The following GUCY1A2 variants were observed in gnomAD, a reference collection of about 807,000 sequenced individuals.
GUCY1A2 encodes guanylate cyclase soluble subunit alpha-2.
GUCY1A2 carries 27 observed loss-of-function variants against 63.5 expected under a neutral mutation model. The ratio of observed to expected loss-of-function variants is 0.43; its 90% CI spans 0.31 to 0.59. The LOEUF is 0.59. Among genes scored for constraint, GUCY1A2 ranks in the 20% least tolerant of loss-of-function variants. GUCY1A2 has a pLI of 0.11. For synonymous variants in GUCY1A2, 364 were observed against 343.5 expected (o/e 1.06, Z -0.66); for missense variants, 768 against 913.3 (o/e 0.84, Z 2.05).
intron 6 of GUCY1A2, among the ~76,000 whole-genome samples, chr11:106,771,666 C>G (rs1864258375): frequency 2.0e-5 from 3 of 151,946 alleles, no homozygotes; most frequent in Non-Finnish European, 2.9e-5. Flanking sequence ...TTGGGAGGAT[C>G]CCCTGAGCAC....
intron 6 of GUCY1A2, 87 bp from the exon 7 acceptor site, chr11:106,708,753 T>TAAA: frequency 2.7e-6 from 2 of 753,130 alleles, no homozygotes; most frequent in Non-Finnish European, 3.9e-6. Context: ...TAATTAATAA[T>TAAA]AATAATAATA....
intron 4 of GUCY1A2, among the ~76,000 whole-genome samples, chr11:106,812,419 T>C (rs1312972776): frequency 4.6e-5 from 7 of 151,730 alleles, no homozygotes; most frequent in Admixed American, 1.3e-4. Flanking sequence ...ATTTGGTGTT[T>C]GTCTCTCCTT....
intron 6 of GUCY1A2, among the ~76,000 whole-genome samples, chr11:106,758,897 G>A (rs536728438): frequency 2.4e-4 from 36 of 152,248 alleles, no homozygotes; most frequent in Middle Eastern, 3.4e-3. Context: ...AGGCAGAGAA[G>A]ATATTTGAAG....
chr11:106,812,604 A>T, intron 4 of GUCY1A2, among the ~76,000 whole-genome samples: 1 of 151,886 alleles, frequency 6.6e-6, no homozygotes, highest in East Asian at 1.9e-4. Context: ...ATGTGGAATT[A>T]GTGTATGTAT....
At chr11:106,717,056 C>G (rs1207630396) in intron 6 of GUCY1A2, among the ~76,000 whole-genome samples, 1 of 152,098 alleles carries the variant, frequency 6.6e-6, no homozygotes, top group Non-Finnish European at 1.5e-5. Flanking sequence ...AATTTTGCAG[C>G]TATATCTAGC....
intron 4 of GUCY1A2, among the ~76,000 whole-genome samples, chr11:106,855,387 C>T (rs1335308470): frequency 1.3e-5 from 2 of 152,132 alleles, no homozygotes; most frequent in African/African-American, 4.8e-5. Context: ...CACTCTATGC[C>T]TCAGAGGGTC....
At chr11:106,703,206 G>A (rs984568854) in intron 7 of GUCY1A2, among the ~76,000 whole-genome samples, 1 of 152,052 alleles carries the variant, frequency 6.6e-6, no homozygotes, top group Non-Finnish European at 1.5e-5. Context: ...GCTTGCAGAC[G>A]CCCTATTGTG....
intron 4 of GUCY1A2, among the ~76,000 whole-genome samples, chr11:106,837,966 T>C (rs771917624): frequency 2.6e-4 from 39 of 151,982 alleles, no homozygotes; most frequent in Non-Finnish European, 5.0e-4. Context: ...TCTTACTCCA[T>C]GCTTTGCATC....
At chr11:106,699,974 G>C in intron 7 of GUCY1A2, among the ~76,000 whole-genome samples, 1 of 151,674 alleles carries the variant, frequency 6.6e-6, no homozygotes, top group Non-Finnish European at 1.5e-5. Context: ...TAGTAGAGAC[G>C]GGGTTTCACC....
intron 1 of GUCY1A2, among the ~76,000 whole-genome samples, chr11:106,991,187 G>T (rs1181225559): frequency 6.6e-6 from 1 of 151,496 alleles, no homozygotes; most frequent in Non-Finnish European, 1.5e-5. Context: ...TTCTAGTAGA[G>T]ATGGGGATTT....
rs182881446 is a variant in GUCY1A2, at chr11:106,686,002, C to A, written c.*1547G>T. On this transcript the variant is annotated 3_prime_UTR_variant, in exon 8 of 8. Transcript: ENST00000526355. ...TTCCTTAACTGAGTTATGTCATAACCAAATCATAATGCAGCCAAAATCCCT... is the reference window on the plus strand; with the variant it reads ...TTCCTTAACTGAGTTATGTCATAACAAAATCATAATGCAGCCAAAATCCCT... 4.6e-6 allele frequency: 1 copy of A among 218,474 alleles called. No homozygotes were observed. Among genetic ancestry groups the A allele is most frequent in the Admixed American group, 5.8e-5 (1 of 17,216 alleles). 13.5% of individuals were successfully genotyped at this position (218,474 alleles called of 1,614,324 possible).
At chr11:106,977,446 T>G (rs17106269) in intron 3 of GUCY1A2, among the ~76,000 whole-genome samples, 2,847 of 152,294 alleles carry the variant, frequency 0.019, 84 homozygotes, top group African/African-American at 0.065. Flanking sequence ...TGCATGCTGT[T>G]ATAGACAAAC....
At chr11:106,714,842 C>G (rs1369366906) in intron 6 of GUCY1A2, among the ~76,000 whole-genome samples, 2 of 152,120 alleles carry the variant, frequency 1.3e-5, no homozygotes, top group Admixed American at 1.3e-4. Flanking sequence ...CCCCAAATAT[C>G]AACAGTGCCA....
At chr11:106,794,525 C>T (rs1179668585) in intron 5 of GUCY1A2, among the ~76,000 whole-genome samples, 1 of 151,770 alleles carries the variant, frequency 6.6e-6, no homozygotes, top group Non-Finnish European at 1.5e-5. Flanking sequence ...CACAGAAACA[C>T]AAAGGTAATT....
intron 5 of GUCY1A2, among the ~76,000 whole-genome samples, chr11:106,793,251 G>A (rs955895328): frequency 1.3e-5 from 2 of 152,054 alleles, no homozygotes; most frequent in African/African-American, 4.8e-5. Context: ...AAAACACAAT[G>A]GAGGAAGAAT....
intron 4 of GUCY1A2, among the ~76,000 whole-genome samples, chr11:106,927,684 C>G (rs982216707): frequency 4.0e-5 from 6 of 151,560 alleles, no homozygotes; most frequent in Non-Finnish European, 8.8e-5. Flanking sequence ...CCTGCCTCAA[C>G]GTCCTGAGTA....
chr11:106,948,513 C>T (rs926075893), intron 3 of GUCY1A2, among the ~76,000 whole-genome samples: 1 of 151,958 alleles, frequency 6.6e-6, no homozygotes, highest in Non-Finnish European at 1.5e-5. Flanking sequence ...TATAAAGAAA[C>T]TGTTCAAATA....
intron 6 of GUCY1A2, among the ~76,000 whole-genome samples, chr11:106,735,383 G>A (rs1863571833): frequency 6.6e-6 from 1 of 152,094 alleles, no homozygotes; most frequent in African/African-American, 2.4e-5. Flanking sequence ...ACAAATGGGT[G>A]AGAACATGCA....
chr11:106,763,925 C>T (rs979945574), intron 6 of GUCY1A2, among the ~76,000 whole-genome samples: 2 of 152,004 alleles, frequency 1.3e-5, no homozygotes, highest in African/African-American at 4.8e-5. Context: ...GATAATATGT[C>T]CAAAAAAGCA....
Sources: allele counts gnomAD v4.1 joint callset (sites outside exome capture counted in the v4.1 genomes callset), GRCh38; gene constraint gnomAD v4.1.1; transcripts MANE v1.5; gene names NCBI Gene and HGNC (gene_info 2026-07-23, HGNC 2026-07-21).